Variants in CCDC91 observed in about 807,000 individuals in gnomAD.
CCDC91 encodes the protein coiled-coil domain containing 91, also known as coiled-coil domain-containing protein 91.
A neutral mutation model predicts 63.2 loss-of-function variants in CCDC91; 48 were observed. The observed-to-expected ratio is 0.76, with a 90% confidence interval of 0.60 to 0.97. CCDC91 has a LOEUF of 0.97. CCDC91 is among the 50% of genes least tolerant of loss of function. The pLI is 0.00. For synonymous variants in CCDC91, 167 were observed against 165.8 expected, an observed-to-expected ratio of 1.01 and a Z score of -0.06; for missense variants, 500 against 494.6, an observed-to-expected ratio of 1.01 and a Z score of -0.10.
chr12:28,387,525 T>C (rs1191072551), intron 7 of CCDC91, among the ~76,000 whole-genome samples: 4 of 152,294 alleles, frequency 2.6e-5, no homozygotes, highest in African/African-American at 7.2e-5. Flanking sequence ...TTGTAGACTT[T>C]TATCCCTCAC....
At chr12:28,223,471 T>C (rs1276659354) in intron 1 of CCDC91, among the ~76,000 whole-genome samples, 2 of 152,176 alleles carry the variant, frequency 1.3e-5, no homozygotes, top group Non-Finnish European at 2.9e-5. Context: ...TCTCTATACC[T>C]GTTCAGTGTA....
intron 1 of CCDC91, among the ~76,000 whole-genome samples, chr12:28,248,998 T>C (rs1372462087): frequency 2.0e-5 from 3 of 152,210 alleles, no homozygotes; most frequent in Non-Finnish European, 4.4e-5. Flanking sequence ...TGAGTACAGA[T>C]GCTGGTAGCT....
chr12:28,289,266 T>C (rs1949076880), intron 3 of CCDC91, among the ~76,000 whole-genome samples: 2 of 152,140 alleles, frequency 1.3e-5, no homozygotes. Flanking sequence ...CTCTTAATTG[T>C]GATGTTAGGT....
chr12:28,487,073 G>A (rs1043342499), intron 12 of CCDC91, among the ~76,000 whole-genome samples: 1 of 151,904 alleles, frequency 6.6e-6, no homozygotes, highest in East Asian at 1.9e-4. Flanking sequence ...ATAGTGTTTG[G>A]TGTTCTATTT....
chr12:28,500,831 C>G (rs564976845), intron 12 of CCDC91, among the ~76,000 whole-genome samples: 1 of 151,616 alleles, frequency 6.6e-6, no homozygotes, highest in African/African-American at 2.4e-5. Context: ...CCTGCCCTCC[C>G]CCTATTATCT....
chr12:28,203,717 G>A (rs117279998), intron 1 of CCDC91, among the ~76,000 whole-genome samples: 5,152 of 152,182 alleles, frequency 0.034, 120 homozygotes, highest in Non-Finnish European at 0.052. Flanking sequence ...AAGGTAGAAC[G>A]TAAGCTACTT....
intron 8 of CCDC91, among the ~76,000 whole-genome samples, chr12:28,415,619 T>A (rs1420887211): frequency 6.6e-6 from 1 of 152,074 alleles, no homozygotes; most frequent in Non-Finnish European, 1.5e-5. Context: ...TTTTTTGTAA[T>A]ATTGATTTGC....
chr12:28,534,598 C>A (rs1942004725), intron 12 of CCDC91, among the ~76,000 whole-genome samples: 1 of 152,154 alleles, frequency 6.6e-6, no homozygotes, highest in South Asian at 2.1e-4. Context: ...CTTCCTGATA[C>A]TCCCTGGAGG....
rs1565700135 is a variant in CCDC91, at chr12:28,267,837, AT to A, written c.109+8396del. ...ATAATTATATTATTAATATATAATTATATATAATTATATAGTAATATATAAT... is the reference window on the plus strand; with the variant it reads ...ATAATTATATTATTAATATATAATTAATATAATTATATAGTAATATATAAT... On this transcript the variant is annotated intron_variant, in intron 3 of 12. Coordinates refer to ENST00000536442, the MANE Select transcript of CCDC91 (RefSeq NM_018318.5). Among the ~76,000 whole-genome samples, 79 of 18,346 alleles carry A rather than the reference AT, an allele frequency of 4.3e-3. 6 individuals carry two copies. The highest frequency in any genetic ancestry group is 9.7e-3 in the African/African-American group (71 of 7,288). 12.0% of individuals were successfully genotyped at this position (18,346 alleles called of 152,430 possible).
chr12:28,452,077 AATTAT>A (rs761821422), intron 10 of CCDC91, among the ~76,000 whole-genome samples: 1 of 151,424 alleles, frequency 6.6e-6, no homozygotes, highest in South Asian at 2.1e-4. Context: ...AATATCATGC[AATTAT>A]ATTAATTTTA....
rs3013048 is a variant in CCDC91, at chr12:28,201,473, G to A, written c.-15+10832G>A. ...CTCCTCACTTCCTAGATGGGATGGC[G>A]ACTGGGAAGAGGCGCTCGTCACTTC... On this transcript the variant is annotated intron_variant, in intron 1 of 12. Coordinates refer to ENST00000536442, the MANE Select transcript of CCDC91 (RefSeq NM_018318.5). Among the ~76,000 whole-genome samples the A allele has an allele frequency of 4.5e-4, 61 of 136,444 alleles. 1 individual carries two copies. In the East Asian group the frequency reaches 0.012, roughly 27 times the overall value. 89.5% of individuals were successfully genotyped at this position (136,444 alleles called of 152,430 possible).
At chr12:28,221,174 TTTAA>T (rs1393139983) in intron 1 of CCDC91, among the ~76,000 whole-genome samples, 2 of 152,136 alleles carry the variant, frequency 1.3e-5, no homozygotes, top group Non-Finnish European at 2.9e-5. Flanking sequence ...TTCCACAGTG[TTTAA>T]TATGCTGTTA....
At chr12:28,541,212 A>G (rs117373078) in intron 12 of CCDC91, among the ~76,000 whole-genome samples, 1 of 152,306 alleles carries the variant, frequency 6.6e-6, no homozygotes, top group East Asian at 1.9e-4. Flanking sequence ...GGGAGCAAGT[A>G]CTACCAATCA....
chr12:28,417,638 TATAC>T (rs202200531), intron 8 of CCDC91, among the ~76,000 whole-genome samples: 2 of 120,152 alleles, frequency 1.7e-5, no homozygotes, highest in African/African-American at 5.1e-5. Flanking sequence ...TATATATATA[TATAC>T]ACACACACAC....
intron 1 of CCDC91, among the ~76,000 whole-genome samples, chr12:28,226,394 T>G (rs1431072032): frequency 2.0e-5 from 3 of 152,212 alleles, no homozygotes; most frequent in Non-Finnish European, 2.9e-5. Context: ...CTTATCCTCT[T>G]TGACCTCTAT....
chr12:28,209,825 A>G (rs1161280229), intron 1 of CCDC91, among the ~76,000 whole-genome samples: 1 of 140,344 alleles, frequency 7.1e-6, no homozygotes, highest in Non-Finnish European at 1.6e-5. Context: ...GCAAAAATTT[A>G]CATCCCATGC....
chr12:28,332,318 A>C lies in CCDC91; in HGVS notation c.576+24569A>C, dbSNP rs547039630. 9.1e-4 allele frequency among the ~76,000 whole-genome samples: 139 copies of C among 152,280 alleles called. 1 individual carries two copies. The highest frequency in any genetic ancestry group is 3.0e-3 in the African/African-American group (125 of 41,574). On this transcript the variant is annotated intron_variant, in intron 6 of 12. Transcript: ENST00000536442. ...AGGTACATTTAACATCTCTTAAGCG[A>C]TTTAAGAGTGACTTTCATGCCTAGT...
chr12:28,419,944 A>G (rs911232605), intron 8 of CCDC91, among the ~76,000 whole-genome samples: 16 of 152,040 alleles, frequency 1.1e-4, no homozygotes, highest in African/African-American at 3.1e-4. Context: ...TTTTGTAGCT[A>G]TGGGTTCCTA....
chr12:28,502,437 A>T (rs1168156581), intron 12 of CCDC91, among the ~76,000 whole-genome samples: 2 of 151,924 alleles, frequency 1.3e-5, no homozygotes, highest in African/African-American at 4.8e-5. Flanking sequence ...AAAAGAGGAT[A>T]CAAACAAATG....
Sources: allele counts gnomAD v4.1 joint callset (sites outside exome capture counted in the v4.1 genomes callset), GRCh38; gene constraint gnomAD v4.1.1; transcripts MANE v1.5; gene names NCBI Gene and HGNC (gene_info 2026-07-23, HGNC 2026-07-21).